The following COPA variants were observed in gnomAD, a reference collection of about 807,000 sequenced individuals.
COPA encodes the protein coatomer subunit alpha.
COPA carries 10 observed loss-of-function variants against 158.7 expected under a neutral mutation model. The ratio of observed to expected loss-of-function variants is 0.06; its 90% CI spans 0.04 to 0.11. The LOEUF is 0.11. COPA is among the 10% of genes least tolerant of loss of function. COPA has a pLI of 1.00. For synonymous variants in COPA, 462 were observed against 542.8 expected, an observed-to-expected ratio of 0.85 and a Z score of 2.07; for missense variants, 1,065 against 1,536.7, an observed-to-expected ratio of 0.69 and a Z score of 5.13.
At position 160,292,481 on chromosome 1, in the gene COPA, TA is replaced by T; in HGVS notation, c.2960+2del. ...GATGAAAGCAAAGAGAAAAGGGCCT[TA>T]CCAGTTGCGATTAGGATAGCCATAC... On this transcript the variant is annotated splice_donor_variant, in intron 28 of 32. Transcript: ENST00000241704. LOFTEE classifies it high-confidence loss of function. 6.2e-7 allele frequency: 1 copy of T among 1,613,330 alleles called. No individual in the cohort carries two copies. Among genetic ancestry groups the T allele is most frequent in the Non-Finnish European group, 8.5e-7 (1 of 1,179,744 alleles).
At position 160,295,865 on chromosome 1, in the gene COPA, T is replaced by A. The variant is rs1414170300; in HGVS notation, c.2353-6A>T. The A allele has an allele frequency of 6.3e-7, 1 of 1,599,422 alleles. No homozygotes were observed. Among genetic ancestry groups the A allele is most frequent in the East Asian group, 2.2e-5 (1 of 44,836 alleles). On this transcript the variant is annotated splice_polypyrimidine_tract_variant and splice_region_variant and intron_variant, in intron 22 of 32. Transcript: ENST00000241704. Reference sequence around the variant, plus strand: ...TTAGGGTCAATGTCTGGGATCTGAATAGTAGAAGAAAAGAGGCTAAAAACA... The same window carrying A: ...TTAGGGTCAATGTCTGGGATCTGAAAAGTAGAAGAAAAGAGGCTAAAAACA...
chr1:160,340,872 C>A lies in COPA; in HGVS notation c.41-578G>T, dbSNP rs138150347. The stretch of plus-strand genomic sequence containing the variant: ...TCTCTCTCTGCAGCCCCCTCTTCTC[C>A]GGTATTTTGCCCAACAAAATCTAGC... On this transcript the variant is annotated intron_variant, in intron 1 of 32. Coordinates refer to ENST00000241704, the MANE Select transcript of COPA (RefSeq NM_004371.4). Among the ~76,000 whole-genome samples the A allele has an allele frequency of 4.6e-5, 7 of 152,276 alleles. No individual in the cohort carries two copies. In the East Asian group the frequency reaches 1.4e-3, roughly 29 times the overall value.
Position 160,296,154 on chromosome 1 carries a change from A to G in COPA, c.2264-5T>C, listed in dbSNP as rs780815912. On this transcript the variant is annotated splice_region_variant and splice_polypyrimidine_tract_variant and intron_variant, in intron 21 of 32. Coordinates refer to ENST00000241704, the MANE Select transcript of COPA (RefSeq NM_004371.4). ...CTGTGAGATAGGCCAGGGACTCTGT[A>G]GAGAAAACAGACTTTGTGGTATAGG... 1.9e-6 allele frequency: 3 copies of G among 1,613,552 alleles called. No homozygotes were observed. In the South Asian group the frequency reaches 3.3e-5, roughly 18 times the overall value.
intron 8 of COPA, 132 bp from the exon 9 acceptor site, chr1:160,314,257 T>C (rs111299305): frequency 3.7e-5 from 32 of 860,124 alleles, no homozygotes; most frequent in East Asian, 1.1e-4. Context: ...CTTTCTAATA[T>C]GGCAATCTTC....
chr1:160,327,521 T>C (rs1647302238), intron 6 of COPA, among the ~76,000 whole-genome samples: 1 of 147,082 alleles, frequency 6.8e-6, no homozygotes, highest in Admixed American at 6.9e-5. Flanking sequence ...ATTGCACCAC[T>C]TTACTCCAGC....
intron 7 of COPA, among the ~76,000 whole-genome samples, chr1:160,324,671 C>T (rs1207842890): frequency 1.3e-5 from 2 of 151,998 alleles, no homozygotes; most frequent in African/African-American, 2.4e-5. Flanking sequence ...GTGATATCAT[C>T]GCTCTGACAG....
chr1:160,297,253 A>G (rs576155731), intron 21 of COPA, 90 bp downstream of exon 21: 27 of 1,122,144 alleles, frequency 2.4e-5, no homozygotes, highest in Non-Finnish European at 3.4e-5. Context: ...ATAAAGAGAA[A>G]TCCCTCACCA....
Position 160,298,876 on chromosome 1 carries a change from A to C in COPA, c.1946T>G (p.Phe649Cys), listed in dbSNP as rs1457569844. The C allele has an allele frequency of 1.2e-6, 2 of 1,614,028 alleles. No homozygotes were observed. Among genetic ancestry groups the C allele is most frequent in the Admixed American group, 3.3e-5 (2 of 60,002 alleles). The change falls in exon 19 of 33, where the codon TTT (phenylalanine) becomes TGT (cysteine). Residue 649 changes from phenylalanine to cysteine, a missense_variant. Phe to Cys is a radical substitution (Grantham distance 205, BLOSUM62 -2). Transcript: ENST00000241704. ...LHFVKDEKTR[F>C]SLALECGNIE... ...GTTTCCACACTCCAGTGCCAGACTA[A>C]AGCGAGTTTTCTCATCCTTGACAAA...
chr1:160,312,165 G>C (rs1658989447), intron 10 of COPA, 147 bp from the exon 11 acceptor site: 1 of 738,418 alleles, frequency 1.4e-6, no homozygotes, highest in Non-Finnish European at 2.2e-6. Context: ...ACAATTCTTG[G>C]AATCTTTATT....
At chr1:160,332,611 C>G (rs1213184576) in intron 5 of COPA, 54 bp from the exon 6 acceptor site, 1 of 1,252,936 alleles carries the variant, frequency 8.0e-7, no homozygotes, top group Non-Finnish European at 1.1e-6. Context: ...CAACAGACTC[C>G]TAAACTAAAT....
intron 8 of COPA, among the ~76,000 whole-genome samples, chr1:160,316,068 TAC>T (rs1659123802): frequency 6.6e-6 from 1 of 152,026 alleles, no homozygotes; most frequent in Non-Finnish European, 1.5e-5. Flanking sequence ...GTTTGAAAAA[TAC>T]ACAGTCAGGC....
intron 10 of COPA, among the ~76,000 whole-genome samples, 161 bp downstream of exon 10, chr1:160,312,924 G>A (rs1659012224): frequency 1.3e-5 from 2 of 151,840 alleles, no homozygotes; most frequent in Admixed American, 1.3e-4. Context: ...TACATATAAA[G>A]TGGAAGAAAA....
At chr1:160,340,362 A>G in intron 1 of COPA, 68 bp from the exon 2 acceptor site, 1 of 1,018,204 alleles carries the variant, frequency 9.8e-7, no homozygotes, top group Non-Finnish European at 1.5e-6. Context: ...GTCAATTCTG[A>G]TAAGAAAAAG....
rs761802357 is a variant in COPA at position 160,293,377 on chromosome 1, C to T, written c.2754+9G>A. ...TCATCCCTGCCGTGCTAGGTTTCTTCCCGCTTACCTGAGTTGGACTTGTTC... is the reference window on the plus strand; with the variant it reads ...TCATCCCTGCCGTGCTAGGTTTCTTTCCGCTTACCTGAGTTGGACTTGTTC... On this transcript the variant is annotated intron_variant, in intron 26 of 32. Transcript: ENST00000241704. The T allele has an allele frequency of 6.2e-7, 1 of 1,613,496 alleles. No individual in the cohort carries two copies. Among genetic ancestry groups the T allele is most frequent in the East Asian group, 2.2e-5 (1 of 44,874 alleles).
At chr1:160,303,660 T>C (rs1658689741) in intron 17 of COPA, among the ~76,000 whole-genome samples, 2 of 152,140 alleles carry the variant, frequency 1.3e-5, no homozygotes, top group Admixed American at 1.3e-4. Flanking sequence ...AAACCTAATA[T>C]CCATAAAAGA....
At position 160,309,144 on chromosome 1, in the gene COPA, G is replaced by C. The variant is rs760179251; in HGVS notation, c.1176C>G (p.Asp392Glu). The C allele has an allele frequency of 6.2e-7, 1 of 1,613,730 alleles. No individual in the cohort carries two copies. The highest frequency in any genetic ancestry group is 8.5e-7 in the Non-Finnish European group (1 of 1,179,668). ...CAGCATCTTTAGGGATGGTGTACAG[G>C]TCATAGGTACTATTCTCTAGATTGC... ...RASNLENSTYDLYTIPKDADS... is the reference protein window; with the variant it reads ...RASNLENSTYELYTIPKDADS... The change falls in exon 13 of 33, where the codon GAC becomes GAG. Residue 392 changes from aspartate (D) to glutamate (E), a missense_variant. This residue lies in a region of COPA where 980 missense variants were observed against 1,357.8 expected (regional missense o/e 0.72). Transcript: ENST00000241704.
rs1463400571 is a variant in COPA, at chr1:160,290,123, A to G, written c.*34T>C. On this transcript the variant is annotated 3_prime_UTR_variant, in exon 33 of 33. Coordinates refer to ENST00000241704, the MANE Select transcript of COPA (RefSeq NM_004371.4). ...TATAGACACATTCTCTGGGGGGAAC[A>G]TATGGTGACTGACCCATGCACACAA... 6.2e-7 allele frequency: 1 copy of G among 1,606,560 alleles called. No individual in the cohort carries two copies. The highest frequency in any genetic ancestry group is 2.2e-5 in the East Asian group (1 of 44,846).
At chr1:160,326,541 A>G (rs537803011) in intron 6 of COPA, among the ~76,000 whole-genome samples, 1 of 152,288 alleles carries the variant, frequency 6.6e-6, no homozygotes, top group East Asian at 1.9e-4. Flanking sequence ...AAGAAAAGCC[A>G]TTTGAAGAAG....
chr1:160,333,583 C>T lies in COPA; in HGVS notation c.386+20G>A, dbSNP rs774834775. ...AGGAAAAATGAAGACTCTTTTCGAG[C>T]CCTCTGCCTCCTGCTTTACCAAACA... is the stretch of plus-strand genomic sequence containing the variant. On this transcript the variant is annotated intron_variant, in intron 5 of 32. Transcript: ENST00000241704. 8 of 1,584,136 alleles carry T rather than the reference C, an allele frequency of 5.1e-6. No individual in the cohort carries two copies. In the East Asian group the frequency reaches 1.1e-4, roughly 22 times the overall value.
Sources: allele counts gnomAD v4.1 joint callset (sites outside exome capture counted in the v4.1 genomes callset), GRCh38; gene constraint gnomAD v4.1.1; regional missense constraint gnomAD v4.1.1; transcripts MANE v1.5; gene names NCBI Gene and HGNC (gene_info 2026-07-23, HGNC 2026-07-21).